GRID1: variants seen among roughly 807,000 people sequenced by gnomAD.
GRID1 encodes glutamate ionotropic receptor delta type subunit 1.
A neutral mutation model predicts 98.0 loss-of-function variants in GRID1; 28 were observed. The observed-to-expected ratio is 0.29, with a 90% CI of 0.21 to 0.39. The LOEUF is 0.39. Ranked by LOEUF, GRID1 falls within the 10% of genes least tolerant of loss-of-function variation. GRID1 has a pLI of 1.00. For missense variants in GRID1, 1,111 were observed against 1,340.5 expected, an observed-to-expected ratio of 0.83 and a Z score of 2.67; for synonymous variants, 553 against 538.5, an observed-to-expected ratio of 1.03 and a Z score of -0.37.
intron 4 of GRID1, among the ~76,000 whole-genome samples, chr10:86,066,452 C>T (rs1843721817): frequency 1.3e-5 from 2 of 152,184 alleles, no homozygotes; most frequent in African/African-American, 2.4e-5. Flanking sequence ...CACTCATCCC[C>T]ATTTTCCAGA....
At chr10:86,183,719 A>G (rs1845690284) in intron 3 of GRID1, among the ~76,000 whole-genome samples, 1 of 152,262 alleles carries the variant, frequency 6.6e-6, no homozygotes, top group African/African-American at 2.4e-5. Context: ...GTTTGGGGCT[A>G]TTATGAATTA....
At chr10:86,292,579 AG>A (rs1028844501) in intron 2 of GRID1, among the ~76,000 whole-genome samples, 1 of 152,106 alleles carries the variant, frequency 6.6e-6, no homozygotes, top group Non-Finnish European at 1.5e-5. Context: ...GAGGCTGGGG[AG>A]GGGTCCCCCT....
chr10:86,296,100 C>A (rs779946247), intron 2 of GRID1, among the ~76,000 whole-genome samples: 1 of 152,234 alleles, frequency 6.6e-6, no homozygotes, highest in Non-Finnish European at 1.5e-5. Flanking sequence ...GCTCCCACAC[C>A]ATGGCTGGCA....
At chr10:85,821,883 C>T (rs1487116922) in intron 8 of GRID1, among the ~76,000 whole-genome samples, 1 of 152,074 alleles carries the variant, frequency 6.6e-6, no homozygotes, top group Admixed American at 6.6e-5. Context: ...AATAATACCA[C>T]ACATCTACAA....
At position 86,205,690 on chromosome 10, in the gene GRID1, C is replaced by G. The variant is rs17405612; in HGVS notation, c.520+674G>C. 1.5e-3 allele frequency among the ~76,000 whole-genome samples: 232 copies of G among 152,300 alleles called. 1 individual carries two copies. The highest frequency in any genetic ancestry group is 3.4e-3 in the Middle Eastern group (1 of 294). On this transcript the variant is annotated intron_variant, in intron 3 of 15. Coordinates refer to ENST00000327946, the MANE Select transcript of GRID1 (RefSeq NM_017551.3). ...ATTGTTTAAACACTAAACATGGAAA[C>G]CATTCTATCTCAGGATTAAGACTAG...
At chr10:86,023,113 G>T (rs544587683) in intron 4 of GRID1, among the ~76,000 whole-genome samples, 3 of 151,908 alleles carry the variant, frequency 2.0e-5, no homozygotes, top group African/African-American at 7.3e-5. Flanking sequence ...AACTCCTCAC[G>T]CTGCCACCTG....
rs57386595 is a variant in GRID1 at position 85,617,225 on chromosome 10, G to GCC, written c.2360+2640_2360+2641dup. Among the ~76,000 whole-genome samples, 275 of 133,846 alleles carry GCC rather than the reference G, an allele frequency of 2.1e-3. 3 individuals carry two copies. The highest frequency in any genetic ancestry group is 7.1e-3 in the African/African-American group (253 of 35,678). 87.8% of individuals were successfully genotyped at this position (133,846 alleles called of 152,430 possible). A position where few individuals can be genotyped will look rare whatever the true frequency, so the allele number is the denominator to read the frequency against. On this transcript the variant is annotated intron_variant, in intron 14 of 15. Transcript: ENST00000327946. Reference sequence around the variant, plus strand: ...AGTTCTGCATGCACCATACAACAAAGCCCCCCCCCCCTTTTATTTTTTTTG... The same window carrying GCC: ...AGTTCTGCATGCACCATACAACAAAGCCCCCCCCCCCCCTTTTATTTTTTTTG...
At position 85,681,062 on chromosome 10, in the gene GRID1, A is replaced by G. The variant is rs115334207; in HGVS notation, c.1998-33665T>C. 5.1e-3 allele frequency among the ~76,000 whole-genome samples: 780 copies of G among 152,158 alleles called. 12 individuals are homozygous for G. The highest frequency in any genetic ancestry group is 0.018 in the African/African-American group (745 of 41,502). ...TATTTGGGTGATGACTACACTAAAAACCCAGACTTCGTCACTACGCAATAT... is the reference window on the plus strand; with the variant it reads ...TATTTGGGTGATGACTACACTAAAAGCCCAGACTTCGTCACTACGCAATAT... On this transcript the variant is annotated intron_variant, in intron 12 of 15. Transcript: ENST00000327946.
In GRID1 at chr10:85,674,303, G is replaced by A. The variant is rs12573225; in HGVS notation, c.1998-26906C>T. 6.6e-3 allele frequency among the ~76,000 whole-genome samples: 1,003 copies of A among 152,202 alleles called. 43 individuals carry two copies. The East Asian group carries it at 0.1, about 15-fold the overall frequency. On this transcript the variant is annotated intron_variant, in intron 12 of 15. Coordinates refer to ENST00000327946, the MANE Select transcript of GRID1 (RefSeq NM_017551.3). Reference sequence around the variant, plus strand: ...CCTCTTTCTCCATTTGGTTCTAGATGTCCCATAGAAAGCCCCCCTCAGAAC... The same window carrying A: ...CCTCTTTCTCCATTTGGTTCTAGATATCCCATAGAAAGCCCCCCTCAGAAC...
At chr10:85,795,878 G>C (rs1231668401) in intron 8 of GRID1, among the ~76,000 whole-genome samples, 1 of 152,162 alleles carries the variant, frequency 6.6e-6, no homozygotes, top group East Asian at 1.9e-4. Context: ...TGTTTATAAT[G>C]AAACTGTTAT....
intron 8 of GRID1, among the ~76,000 whole-genome samples, chr10:85,795,297 T>C (rs1281333752): frequency 6.6e-6 from 1 of 152,126 alleles, no homozygotes; most frequent in East Asian, 1.9e-4. Flanking sequence ...GTGCTTCCTG[T>C]TCCTGGGGCA....
chr10:86,134,144 C>G (rs1001414227), intron 4 of GRID1, among the ~76,000 whole-genome samples: 1 of 152,222 alleles, frequency 6.6e-6, no homozygotes, highest in African/African-American at 2.4e-5. Flanking sequence ...AGCCCTGGGG[C>G]ACAGCTGCTC....
chr10:85,635,494 T>C (rs999594904), intron 13 of GRID1, among the ~76,000 whole-genome samples: 2 of 152,134 alleles, frequency 1.3e-5, no homozygotes, highest in African/African-American at 2.4e-5. Flanking sequence ...GAAAGATGCA[T>C]ATGAATGCTA....
intron 2 of GRID1, among the ~76,000 whole-genome samples, chr10:86,339,054 C>A (rs896848581): frequency 1.3e-5 from 2 of 152,160 alleles, no homozygotes; most frequent in Non-Finnish European, 2.9e-5. Context: ...AGTGCTATCT[C>A]TCACCTCCTC....
chr10:85,980,179 C>A (rs1383986609), intron 4 of GRID1, among the ~76,000 whole-genome samples: 1 of 152,218 alleles, frequency 6.6e-6, no homozygotes, highest in Non-Finnish European at 1.5e-5. Flanking sequence ...CCGTCAGACC[C>A]CAGCTGGATG....
At chr10:85,824,621 G>T (rs1482071634) in intron 8 of GRID1, among the ~76,000 whole-genome samples, 2 of 152,142 alleles carry the variant, frequency 1.3e-5, no homozygotes, top group African/African-American at 4.8e-5. Context: ...GTGAATCTCA[G>T]ATTTTAGTGC....
intron 5 of GRID1, among the ~76,000 whole-genome samples, chr10:85,875,319 A>T (rs989985069): frequency 6.6e-6 from 1 of 152,168 alleles, no homozygotes; most frequent in African/African-American, 2.4e-5. Flanking sequence ...ATATAGCTAC[A>T]TGAGTTTTAT....
intron 4 of GRID1, among the ~76,000 whole-genome samples, chr10:86,073,329 G>C (rs1843831000): frequency 6.6e-6 from 1 of 152,206 alleles, no homozygotes; most frequent in Non-Finnish European, 1.5e-5. Flanking sequence ...TGTGCAGCAG[G>C]GGGACTGGTG....
chr10:85,856,442 C>G (rs1843110739), intron 6 of GRID1, among the ~76,000 whole-genome samples: 1 of 152,132 alleles, frequency 6.6e-6, no homozygotes, highest in Admixed American at 6.5e-5. Context: ...CAAGGAGAAC[C>G]CTTATCTGTA....
Sources: gnomAD v4.1 joint callset for allele counts (sites outside exome capture counted in the v4.1 genomes callset) on GRCh38, gnomAD v4.1.1 for gene constraint, MANE v1.5 for transcripts, NCBI Gene and HGNC (gene_info 2026-07-23, HGNC 2026-07-21) for gene names.